ABCB7: variants seen among roughly 807,000 people sequenced by gnomAD.
ABCB7 encodes the protein iron-sulfur clusters transporter ABCB7, mitochondrial.
A neutral mutation model predicts 54.4 loss-of-function variants in ABCB7; 7 were observed. That is an observed-to-expected ratio of 0.13 (90% confidence interval 0.07 to 0.24). The LOEUF (loss-of-function observed/expected upper bound fraction) is 0.24, where lower values mean the gene tolerates loss of function less well. ABCB7 is among the 10% of genes least tolerant of loss of function. ABCB7 has a pLI of 1.00. For missense variants in ABCB7, 356 were observed against 570.4 expected (o/e 0.62, Z 3.83); for synonymous variants, 218 against 207.1 (o/e 1.05, Z -0.45).
At chrX:75,083,850 G>A (rs1202432640) in intron 4 of ABCB7, among the ~76,000 whole-genome samples, 1 of 110,966 alleles carries the variant, frequency 9.0e-6, no homozygotes, top group African/African-American at 3.3e-5. Context: ...GCTCCCCAAA[G>A]ATATTCATGT....
At chrX:75,141,744 G>A (rs772955079) in intron 1 of ABCB7, among the ~76,000 whole-genome samples, 4 of 111,131 alleles carry the variant, frequency 3.6e-5, no homozygotes, top group Non-Finnish European at 7.5e-5. Flanking sequence ...TTTTTTTTAA[G>A]GTTTTTGATT....
rs148147769 is a variant in ABCB7 at position 75,096,901 on chromosome X, C to A, written c.453+2041G>T. ...CATGTTGCAATTTCTACTACTATTT[C>A]AGTACAAATTGCTATTACTTCTTAT... On this transcript the variant is annotated intron_variant, in intron 4 of 15. Transcript: ENST00000373394. Among the ~76,000 whole-genome samples the A allele has an allele frequency of 1.5e-4, 17 of 110,688 alleles. No individual in the cohort carries two copies. The East Asian group carries it at 4.5e-3, about 30-fold the overall frequency.
At chrX:75,146,048 A>C (rs944691896) in intron 1 of ABCB7, among the ~76,000 whole-genome samples, 2 of 111,995 alleles carry the variant, frequency 1.8e-5, no homozygotes, top group African/African-American at 6.5e-5. Flanking sequence ...TGAGGAACAA[A>C]CTTTCATTTA....
At chrX:75,096,638 C>G (rs925273021) in intron 4 of ABCB7, among the ~76,000 whole-genome samples, 1 of 111,423 alleles carries the variant, frequency 9.0e-6, no homozygotes, top group Non-Finnish European at 1.9e-5. Context: ...TTTTGTATTA[C>G]CAGCTGAATA....
chrX:75,061,483 A>T (rs997610291), intron 14 of ABCB7, among the ~76,000 whole-genome samples: 1 of 111,310 alleles, frequency 9.0e-6, no homozygotes, highest in Non-Finnish European at 1.9e-5. Flanking sequence ...ATGCTAACCA[A>T]TTCACTTCAA....
intron 1 of ABCB7, among the ~76,000 whole-genome samples, chrX:75,148,628 C>T (rs1297292039): frequency 9.0e-6 from 1 of 110,982 alleles, no homozygotes; most frequent in East Asian, 2.8e-4. Flanking sequence ...TAAGGTGGGC[C>T]TTAATCCAAT....
intron 3 of ABCB7, among the ~76,000 whole-genome samples, chrX:75,107,237 T>G (rs966240686): frequency 9.0e-6 from 1 of 111,416 alleles, no homozygotes; most frequent in East Asian, 2.8e-4. Context: ...CAGGCTAAAG[T>G]GCTTTGTGCT....
chrX:75,155,861 C>T (rs1002839798), intron 1 of ABCB7, among the ~76,000 whole-genome samples: 3 of 111,185 alleles, frequency 2.7e-5, no homozygotes, highest in Non-Finnish European at 3.8e-5. Context: ...ACTCCGAGAG[C>T]CTCCAGCGCT....
At chrX:75,090,058 A>G (rs2081532211) in intron 4 of ABCB7, among the ~76,000 whole-genome samples, 1 of 111,022 alleles carries the variant, frequency 9.0e-6, no homozygotes, top group Non-Finnish European at 1.9e-5. Flanking sequence ...AGATATAACA[A>G]TCCTTAATTG....
intron 1 of ABCB7, among the ~76,000 whole-genome samples, chrX:75,149,849 T>G (rs140645043): frequency 9.0e-6 from 1 of 110,787 alleles, no homozygotes; most frequent in East Asian, 2.9e-4. Flanking sequence ...AGAGAGGGCA[T>G]TTCAGACATA....
chrX:75,119,760 C>T lies in ABCB7; in HGVS notation c.169-4929G>A, dbSNP rs139514481. 3.0e-3 allele frequency among the ~76,000 whole-genome samples: 338 copies of T among 111,660 alleles called. 1 individual carries two copies. The highest frequency in any genetic ancestry group is 0.01 in the African/African-American group (308 of 30,770). ...TAAAACTCCTATAAGCCTGCTATAA[C>T]TTCGTGTATGTTATTAATAGTTACA... On this transcript the variant is annotated intron_variant, in intron 1 of 15. Transcript: ENST00000373394.
intron 4 of ABCB7, among the ~76,000 whole-genome samples, chrX:75,081,083 C>T (rs911243682): frequency 8.9e-6 from 1 of 111,821 alleles, no homozygotes; most frequent in African/African-American, 3.3e-5. Context: ...GAAGTGGTGA[C>T]ACAGGAGGCC....
chrX:75,071,208 T>G (rs186487485), intron 9 of ABCB7, among the ~76,000 whole-genome samples: 1 of 110,686 alleles, frequency 9.0e-6, no homozygotes, highest in African/African-American at 3.3e-5. Flanking sequence ...TTACATTGCT[T>G]TACAGGTCTG....
intron 4 of ABCB7, among the ~76,000 whole-genome samples, chrX:75,088,786 C>G (rs2081520752): frequency 9.6e-6 from 1 of 104,632 alleles, no homozygotes; most frequent in African/African-American, 3.4e-5. Context: ...ATGACAACAC[C>G]AAACCACAGA....
At chrX:75,064,038 T>G (rs921914104) in intron 13 of ABCB7, among the ~76,000 whole-genome samples, 6 of 111,233 alleles carry the variant, frequency 5.4e-5, no homozygotes, top group African/African-American at 2.0e-4. Flanking sequence ...TGGAAATTAC[T>G]CCTATTAAAA....
chrX:75,098,584 C>A (rs2081612502), intron 4 of ABCB7, among the ~76,000 whole-genome samples: 1 of 110,790 alleles, frequency 9.0e-6, no homozygotes, highest in Non-Finnish European at 1.9e-5. Context: ...ATCCTCTTTT[C>A]AATTTACTGG....
At chrX:75,078,300 A>G (rs191686869) in intron 4 of ABCB7, among the ~76,000 whole-genome samples, 21 of 111,211 alleles carry the variant, frequency 1.9e-4, no homozygotes, top group Admixed American at 6.7e-4. Context: ...CATGCAGCCA[A>G]TTTGGCACTC....
chrX:75,091,086 T>G (rs1188783696), intron 4 of ABCB7, among the ~76,000 whole-genome samples: 1 of 111,073 alleles, frequency 9.0e-6, no homozygotes, highest in Non-Finnish European at 1.9e-5. Context: ...AAAACAGAAG[T>G]AGAGGGAATA....
At chrX:75,156,042 C>G (rs1423682140) in intron 1 of ABCB7, 63 bp downstream of exon 1, 7 of 1,175,522 alleles carry the variant, frequency 6.0e-6, no homozygotes, top group Non-Finnish European at 8.0e-6. Context: ...GTCAGGAGGG[C>G]AACCTTTTCC....
Sources: allele counts gnomAD v4.1 joint callset (sites outside exome capture counted in the v4.1 genomes callset), GRCh38; gene constraint gnomAD v4.1.1; transcripts MANE v1.5; gene names NCBI Gene and HGNC (gene_info 2026-07-23, HGNC 2026-07-21).